The following DHX9 variants were observed in gnomAD, a reference collection of about 807,000 sequenced individuals.
The protein encoded by DHX9 is ATP-dependent RNA helicase A.
A neutral mutation model predicts 148.7 loss-of-function variants in DHX9; 27 were observed. The observed-to-expected ratio is 0.18, with a 90% CI of 0.13 to 0.25. The LOEUF is 0.25. Ranked by LOEUF, DHX9 falls within the 10% of genes least tolerant of loss-of-function variation. The pLI is 1.00. For synonymous variants in DHX9, 529 were observed against 516.6 expected (o/e 1.02, Z -0.33); for missense variants, 796 against 1,559.6 (o/e 0.51, Z 8.25).
chr1:182,881,344 A>G lies in DHX9; in HGVS notation c.2705A>G (p.Tyr902Cys). ...ATCAATGAAGGAAAGCGGCTGGGCT[A>G]TATCCATCGAAATTTTGCTGGAAAC... Reference protein sequence around the residue: ...PFINEGKRLGYIHRNFAGNRF... With the variant: ...PFINEGKRLGCIHRNFAGNRF... The change falls in exon 23 of 28, where the codon TAT (tyrosine) becomes TGT (cysteine). Residue 902 changes from tyrosine (Y) to cysteine (C), a missense_variant. Physicochemically the swap from Tyr to Cys is radical, Grantham distance 194. Transcript: ENST00000367549. 1 of 1,614,200 alleles carries G rather than the reference A, an allele frequency of 6.2e-7. No individual in the cohort carries two copies. Among genetic ancestry groups the G allele is most frequent in the Non-Finnish European group, 8.5e-7 (1 of 1,180,030 alleles).
In DHX9 at chr1:182,853,486, G is replaced by C; in HGVS notation, c.477+68G>C. 2.5e-6 allele frequency: 3 copies of C among 1,180,340 alleles called. No individual in the cohort carries two copies. The East Asian group carries it at 7.2e-5, about 28-fold the overall frequency. The allele number at this position is 1,180,340 out of a possible 1,614,324, so 73.1% of individuals were successfully genotyped here. ...GGGACTTAGTTAACAGCAAAGCTTA[G>C]GATTAGGATATTCACAAGTTAATAA... On this transcript the variant is annotated intron_variant, in intron 5 of 27. Transcript: ENST00000367549.
At chr1:182,865,524 T>C (rs1270390996) in intron 12 of DHX9, among the ~76,000 whole-genome samples, 1 of 152,176 alleles carries the variant, frequency 6.6e-6, no homozygotes, top group Non-Finnish European at 1.5e-5. Flanking sequence ...ATTAAAAGGA[T>C]TGTTTAGTAA....
At chr1:182,869,451 C>G (rs1318464523) in intron 14 of DHX9, among the ~76,000 whole-genome samples, 3 of 152,080 alleles carry the variant, frequency 2.0e-5, no homozygotes, top group Non-Finnish European at 4.4e-5. Context: ...CCTGTCTTAT[C>G]TGATGCTGAC....
In DHX9 at chr1:182,853,330, C is replaced by G. The variant is rs994602794; in HGVS notation, c.389C>G (p.Ser130Cys). 6.2e-7 allele frequency: 1 copy of G among 1,613,374 alleles called. No individual in the cohort carries two copies. The highest frequency in any genetic ancestry group is 8.5e-7 in the Non-Finnish European group (1 of 1,179,714). Reference protein sequence around the residue: ...KAENNSEVGASGYGVPGPTWD... With the variant: ...KAENNSEVGACGYGVPGPTWD... ...GAAAATAATTCTGAGGTAGGGGCCTCTGGCTATGGTGTTCCTGGGCCCACC... is the reference window on the plus strand; with the variant it reads ...GAAAATAATTCTGAGGTAGGGGCCTGTGGCTATGGTGTTCCTGGGCCCACC... The change falls in exon 5 of 28, where the codon TCT (serine) becomes TGT (cysteine). Residue 130 changes from serine to cysteine, a missense_variant. By Grantham distance (112) the Ser-to-Cys change is moderately radical. Transcript: ENST00000367549.
intron 12 of DHX9, 102 bp from the exon 13 acceptor site, chr1:182,866,342 A>G (rs1489634882): frequency 8.7e-7 from 1 of 1,154,924 alleles, no homozygotes; most frequent in East Asian, 2.5e-5. Flanking sequence ...TAATTATTCA[A>G]CTAGCAGTAG....
Position 182,842,559 on chromosome 1 carries a change from C to T in DHX9, c.-8C>T, listed in dbSNP as rs1346008238. ...TGTTTTCTTAGATCTGAAGAAGACA[C>T]TTGAATCATGGGTGACGTTAAAAAT... On this transcript the variant is annotated 5_prime_UTR_variant, in exon 2 of 28. Coordinates refer to ENST00000367549, the MANE Select transcript of DHX9 (RefSeq NM_001357.5). 7.5e-6 allele frequency: 12 copies of T among 1,606,926 alleles called. No individual in the cohort carries two copies. The highest frequency in any genetic ancestry group is 2.2e-5 in the East Asian group (1 of 44,754).
rs1649409146 is a variant in DHX9, at chr1:182,887,946, A to G, written c.*512A>G. ...GTAAATACTGGCAAGTGCACAAGCC[A>G]CATAAACCTGAATAAAACTTTTGAC... On this transcript the variant is annotated 3_prime_UTR_variant, in exon 28 of 28. Transcript: ENST00000367549. Among the ~76,000 whole-genome samples, 2 of 152,264 alleles carry G rather than the reference A, an allele frequency of 1.3e-5. No homozygotes were observed. Among genetic ancestry groups the G allele is most frequent in the African/African-American group, 4.8e-5 (2 of 41,468 alleles).
chr1:182,843,341 T>C lies in DHX9; in HGVS notation c.159T>C (p.Asn53=). The stretch of plus-strand genomic sequence containing the variant: ...ACACTGGCATGGGAAATTCCACCAA[T>C]AAAAAAGATGCACAAAGCAATGCTG... ...YNYTGMGNST[N]KKDAQSNAAR... is the part of the protein sequence containing the mutation. Residue 53 remains asparagine (N), a synonymous_variant, in exon 3 of 28, where the codon AAT becomes AAC. Coordinates refer to ENST00000367549, the MANE Select transcript of DHX9 (RefSeq NM_001357.5). 1 of 1,609,476 alleles carries C rather than the reference T, an allele frequency of 6.2e-7. No individual in the cohort carries two copies. Among genetic ancestry groups the C allele is most frequent in the Non-Finnish European group, 8.5e-7 (1 of 1,178,230 alleles).
intron 4 of DHX9, 110 bp downstream of exon 4, chr1:182,852,454 TAAGAGACAACCC>T: frequency 1.4e-6 from 1 of 694,382 alleles, no homozygotes; most frequent in South Asian, 2.3e-5. Context: ...CTCTTGATGT[TAAGAGACAACCC>T]AAGGCCTTCA....
At chr1:182,881,741 G>A (rs1319096082) in intron 24 of DHX9, 94 bp downstream of exon 24, 1 of 1,348,114 alleles carries the variant, frequency 7.4e-7, no homozygotes, top group Non-Finnish European at 1.0e-6. Context: ...TCAAATTTTA[G>A]ACCCTATGAT....
chr1:182,878,223 T>C (rs1169439728), intron 20 of DHX9, 50 bp downstream of exon 20: 2 of 1,597,904 alleles, frequency 1.3e-6, no homozygotes, highest in East Asian at 4.5e-5. Context: ...CTGTTCTCTG[T>C]AGGGACAGAT....
intron 5 of DHX9, among the ~76,000 whole-genome samples, chr1:182,853,794 T>C (rs909155640): frequency 7.7e-6 from 1 of 129,972 alleles, no homozygotes; most frequent in Non-Finnish European, 1.6e-5. Context: ...GAAGTTGTCA[T>C]TTTTTTTTTT....
At position 182,886,853 on chromosome 1, in the gene DHX9, A is replaced by G. The variant is rs536226041; in HGVS notation, c.3462-230A>G. ...GACTGTCTTAAAGTTCTAATGACATACTGCCAAAATTCAAAACCTTTGAGA... is the reference window on the plus strand; with the variant it reads ...GACTGTCTTAAAGTTCTAATGACATGCTGCCAAAATTCAAAACCTTTGAGA... On this transcript the variant is annotated intron_variant, in intron 27 of 27. Coordinates refer to ENST00000367549, the MANE Select transcript of DHX9 (RefSeq NM_001357.5). Among the ~76,000 whole-genome samples the G allele has an allele frequency of 4.6e-5, 7 of 152,346 alleles. No homozygotes were observed. In the South Asian group the frequency reaches 1.4e-3, roughly 32 times the overall value.
chr1:182,867,092 A>G, intron 14 of DHX9, 49 bp downstream of exon 14: 1 of 1,160,812 alleles, frequency 8.6e-7, no homozygotes, highest in South Asian at 1.8e-5. Context: ...GCTATTTCTA[A>G]GAGAAATCAG....
chr1:182,859,844 C>T (rs1467389463), intron 11 of DHX9, 149 bp from the exon 12 acceptor site: 3 of 639,006 alleles, frequency 4.7e-6, no homozygotes, highest in African/African-American at 1.9e-5. Flanking sequence ...AACTCCTCAC[C>T]TCATGATCCT....
At chr1:182,845,995 G>C (rs1347880307) in intron 3 of DHX9, among the ~76,000 whole-genome samples, 1 of 152,034 alleles carries the variant, frequency 6.6e-6, no homozygotes, top group South Asian at 2.1e-4. Flanking sequence ...TGATTAAATC[G>C]TTGGCCATTG....
intron 11 of DHX9, 35 bp downstream of exon 11, chr1:182,859,152 A>C: frequency 6.3e-7 from 1 of 1,586,074 alleles, no homozygotes; most frequent in South Asian, 1.1e-5. Flanking sequence ...TAGTGCTCAG[A>C]GCTTCAGAAT....
At chr1:182,863,516 G>C (rs566598159) in intron 12 of DHX9, among the ~76,000 whole-genome samples, 1 of 152,086 alleles carries the variant, frequency 6.6e-6, no homozygotes, top group African/African-American at 2.4e-5. Flanking sequence ...AGAAGTGGCC[G>C]TGCAGGTATA....
Position 182,868,408 on chromosome 1 carries a change from G to A in DHX9, c.1557+1365G>A, listed in dbSNP as rs1299655406. 2.0e-5 allele frequency among the ~76,000 whole-genome samples: 3 copies of A among 151,852 alleles called. No individual in the cohort carries two copies. The East Asian group carries it at 5.8e-4, about 29-fold the overall frequency. ...AGTCAAAAAAAAATTTAACTGTTAT[G>A]CTTGAAATGTGACATTATTTGATGT... On this transcript the variant is annotated intron_variant, in intron 14 of 27. Transcript: ENST00000367549.
Sources: gnomAD v4.1 joint callset for allele counts (sites outside exome capture counted in the v4.1 genomes callset) on GRCh38, gnomAD v4.1.1 for gene constraint, MANE v1.5 for transcripts, NCBI Gene and HGNC (gene_info 2026-07-23, HGNC 2026-07-21) for gene names.